Variants in CAMK2B observed in about 807,000 individuals in gnomAD.
CAMK2B encodes the protein calcium/calmodulin dependent protein kinase II beta, also known as calcium/calmodulin-dependent protein kinase type II subunit beta.
CAMK2B carries 27 observed loss-of-function variants against 93.7 expected under a neutral mutation model. That is an observed-to-expected ratio of 0.29 (90% CI 0.21 to 0.40). The LOEUF (loss-of-function observed/expected upper bound fraction) is 0.40, where lower values mean the gene tolerates loss of function less well. CAMK2B is among the 10% of genes least tolerant of loss of function. CAMK2B has a pLI of 1.00. For synonymous variants in CAMK2B, 374 were observed against 358.8 expected (o/e 1.04, Z -0.48); for missense variants, 568 against 895.8 (o/e 0.63, Z 4.67).
At chr7:44,223,587 A>AG (rs61587648) in intron 20 of CAMK2B, among the ~76,000 whole-genome samples, 150,107 of 150,112 alleles carry the variant, frequency 1, 75,051 homozygotes, top group Non-Finnish European at 1. Context: ...ATGACACTTG[A>AG]GGCCCGCCCC....
intron 1 of CAMK2B, among the ~76,000 whole-genome samples, chr7:44,299,581 A>C (rs1789323503): frequency 6.6e-6 from 1 of 152,248 alleles, no homozygotes; most frequent in Non-Finnish European, 1.5e-5. Flanking sequence ...AATAAAAAGA[A>C]TAATTTTGAT....
rs907614323 is a variant in CAMK2B, at chr7:44,258,910, G to A, written c.237C>T (p.Ser79=). ...KHSNIVRLHD[S]ISEEGFHYLV... is the part of the protein sequence containing the mutation. ...GGTAGTGGAAGCCCTCCTCGGAGATGCTGTCGTGGAGACGCACTGTGGGGA... is the reference window on the plus strand; with the variant it reads ...GGTAGTGGAAGCCCTCCTCGGAGATACTGTCGTGGAGACGCACTGTGGGGA... Residue 79 remains serine (S), a synonymous_variant, in exon 4 of 24, where the codon AGC becomes AGT. Transcript: ENST00000395749. 5 of 1,613,896 alleles carry A rather than the reference G, an allele frequency of 3.1e-6. No homozygotes were observed. Among genetic ancestry groups the A allele is most frequent in the Non-Finnish European group, 4.2e-6 (5 of 1,179,882 alleles).
chr7:44,275,661 A>C (rs1434551244), intron 2 of CAMK2B, among the ~76,000 whole-genome samples: 1 of 152,252 alleles, frequency 6.6e-6, no homozygotes, highest in African/African-American at 2.4e-5. Context: ...TGGGACACAC[A>C]GTGCTTATTT....
chr7:44,254,710 T>G, intron 4 of CAMK2B, 103 bp from the exon 5 acceptor site: 3 of 619,094 alleles, frequency 4.8e-6, no homozygotes, highest in Non-Finnish European at 8.4e-6. Flanking sequence ...ATCATCACCA[T>G]CACTCCCATC....
rs1004570025 is a variant in CAMK2B at position 44,248,545 on chromosome 7, C to G, written c.342-1353G>C. ...ACCTGCCTGGGGTCTCAGTCACCGCCCCACTGGGCACGGTCAAGGGAGGGA... is the reference window on the plus strand; with the variant it reads ...ACCTGCCTGGGGTCTCAGTCACCGCGCCACTGGGCACGGTCAAGGGAGGGA... On this transcript the variant is annotated intron_variant, in intron 5 of 23. Coordinates refer to ENST00000395749, the MANE Select transcript of CAMK2B (RefSeq NM_001220.5). The surrounding 1 kb of genome is among the most constrained non-coding windows in gnomAD (Gnocchi z 4.1). 6.6e-6 allele frequency among the ~76,000 whole-genome samples: 1 copy of G among 152,230 alleles called. No homozygotes were observed. Among genetic ancestry groups the G allele is most frequent in the Non-Finnish European group, 1.5e-5 (1 of 68,042 alleles).
intron 6 of CAMK2B, chr7:44,245,000 C>T: frequency 2.2e-6 from 1 of 455,708 alleles, no homozygotes; most frequent in Admixed American, 2.4e-5. Context: ...GTGGAGGCCC[C>T]AAGCTCCCCG....
rs547604701 is a variant in CAMK2B at position 44,229,081 on chromosome 7, C to A, written c.1340-157G>T. On this transcript the variant is annotated intron_variant, in intron 18 of 23. Coordinates refer to ENST00000395749, the MANE Select transcript of CAMK2B (RefSeq NM_001220.5). ...GCCTGCCTCAATAGCAGGGAGCCCC[C>A]CCGCCCGCAAGCTGAGGTGGAGTGA... is the stretch of plus-strand genomic sequence containing the variant. The A allele has an allele frequency of 3.1e-4, 239 of 761,656 alleles. 1 individual carries two copies. In the East Asian group the frequency reaches 5.6e-3, roughly 18 times the overall value. 47.2% of individuals were successfully genotyped at this position (761,656 alleles called of 1,614,324 possible). A position where few individuals can be genotyped will look rare whatever the true frequency, so the allele number is the denominator to read the frequency against.
At chr7:44,229,765 G>T in intron 17 of CAMK2B, 2 of 382,734 alleles carry the variant, frequency 5.2e-6, no homozygotes, top group Non-Finnish European at 9.3e-6. Flanking sequence ...GGCCAGTGCA[G>T]GCTGGCGCAG....
rs184892388 is a variant in CAMK2B at position 44,308,656 on chromosome 7, G to A, written c.65+16701C>T. 8.3e-4 allele frequency among the ~76,000 whole-genome samples: 127 copies of A among 152,294 alleles called. 2 individuals are homozygous for A. The Middle Eastern group carries it at 0.014, about 16-fold the overall frequency. On this transcript the variant is annotated intron_variant, in intron 1 of 23. Transcript: ENST00000395749. ...ACTTTGGGAAGATGAAGGCAGGAGTGACATTACAGAGAGAGGGAGGTGCGG... is the reference window on the plus strand; with the variant it reads ...ACTTTGGGAAGATGAAGGCAGGAGTAACATTACAGAGAGAGGGAGGTGCGG...
chr7:44,279,150 T>C (rs947617264), intron 2 of CAMK2B, among the ~76,000 whole-genome samples: 1 of 152,214 alleles, frequency 6.6e-6, no homozygotes, highest in African/African-American at 2.4e-5. Flanking sequence ...TGGCTGTTTT[T>C]GGAACCCTTT....
At chr7:44,226,757 G>T in intron 19 of CAMK2B, 113 bp from the exon 20 acceptor site, 1 of 664,860 alleles carries the variant, frequency 1.5e-6, no homozygotes, top group Non-Finnish European at 2.3e-6. Context: ...GCAGATGTGG[G>T]GGATGGGGCA....
chr7:44,321,918 G>A (rs763774973), intron 1 of CAMK2B, among the ~76,000 whole-genome samples: 10 of 152,256 alleles, frequency 6.6e-5, no homozygotes, highest in Non-Finnish European at 1.2e-4. Context: ...ACACTGCAGG[G>A]AGAGTGGCGG....
At chr7:44,241,287 C>G (rs866311244) in intron 11 of CAMK2B, among the ~76,000 whole-genome samples, 28 of 152,316 alleles carry the variant, frequency 1.8e-4, no homozygotes, top group African/African-American at 6.3e-4. Flanking sequence ...TCCCAGAACT[C>G]CCCCAGCCCA....
chr7:44,312,211 TG>T lies in CAMK2B; in HGVS notation c.65+13145del, dbSNP rs1168964464. Reference sequence around the variant, plus strand: ...CATCCTTGGTGCCAGAAAGTGGAGGTGAGTGGAATTTAAAATGACAACTCTA... The same window carrying T: ...CATCCTTGGTGCCAGAAAGTGGAGGTAGTGGAATTTAAAATGACAACTCTA... On this transcript the variant is annotated intron_variant, in intron 1 of 23. Transcript: ENST00000395749. This position sits in a 1 kb window ranked among gnomAD's most constrained non-coding sequence, Gnocchi z 4.1. Among the ~76,000 whole-genome samples the T allele has an allele frequency of 6.6e-6, 1 of 151,824 alleles. No individual in the cohort carries two copies. The highest frequency in any genetic ancestry group is 1.5e-5 in the Non-Finnish European group (1 of 67,960).
chr7:44,247,388 G>GCCCTGC (rs1207525932), intron 5 of CAMK2B, among the ~76,000 whole-genome samples, 196 bp from the exon 6 acceptor site: 1 of 152,178 alleles, frequency 6.6e-6, no homozygotes, highest in Admixed American at 6.5e-5. Context: ...TCTGGCCCTG[G>GCCCTGC]CCCTGCCTTC....
chr7:44,317,873 G>C (rs1371450184), intron 1 of CAMK2B, among the ~76,000 whole-genome samples: 1 of 152,164 alleles, frequency 6.6e-6, no homozygotes, highest in African/African-American at 2.4e-5. Context: ...GCTTAGGCGA[G>C]TGTCTGGCCT....
At chr7:44,242,189 C>T (rs747944789) in intron 10 of CAMK2B, 29 bp downstream of exon 10, 1 of 1,601,648 alleles carries the variant, frequency 6.2e-7, no homozygotes, top group East Asian at 2.2e-5. Context: ...GGAGCCCCCT[C>T]CCCACCATGG....
intron 11 of CAMK2B, 30 bp downstream of exon 11, chr7:44,241,670 C>T (rs967120010): frequency 3.6e-5 from 57 of 1,570,794 alleles, no homozygotes; most frequent in Admixed American, 6.7e-5. Context: ...GAAGCATGGC[C>T]GTGCCTGGGA....
chr7:44,222,248 C>T (rs188413101), intron 20 of CAMK2B, among the ~76,000 whole-genome samples: 26 of 152,324 alleles, frequency 1.7e-4, no homozygotes, highest in South Asian at 4.1e-4. Flanking sequence ...CCCAGCACTG[C>T]GCTCTGTGAC....
Sources: gnomAD v4.1 joint callset for allele counts (sites outside exome capture counted in the v4.1 genomes callset) on GRCh38, gnomAD v4.1.1 for gene constraint, Gnocchi (gnomAD v3.1) non-coding constraint, MANE v1.5 for transcripts, NCBI Gene and HGNC (gene_info 2026-07-23, HGNC 2026-07-21) for gene names.